Variants in SLC24A3 observed in about 807,000 individuals in gnomAD.
The protein encoded by SLC24A3 is sodium/potassium/calcium exchanger 3.
In SLC24A3, 28 loss-of-function variants were observed where a neutral mutation model predicts 75.8. The ratio of observed to expected loss-of-function variants is 0.37; its 90% CI spans 0.27 to 0.51. The LOEUF is 0.51. SLC24A3 is among the 20% of genes least tolerant of loss of function. The pLI, the probability that SLC24A3 is intolerant of heterozygous loss-of-function variation, is 0.94. For synonymous variants in SLC24A3, 372 were observed against 334.1 expected (o/e 1.11, Z -1.24); for missense variants, 663 against 847.8 (o/e 0.78, Z 2.71).
intron 2 of SLC24A3, among the ~76,000 whole-genome samples, chr20:19,444,797 C>T (rs1053247408): frequency 2.0e-5 from 3 of 151,334 alleles, no homozygotes; most frequent in African/African-American, 7.3e-5. Context: ...ATTTTTTTAA[C>T]CTTTTTAGTT....
At chr20:19,394,655 A>G (rs79980752) in intron 2 of SLC24A3, among the ~76,000 whole-genome samples, 2,992 of 152,314 alleles carry the variant, frequency 0.02, 106 homozygotes, top group African/African-American at 0.067. Context: ...CAAAACTGCA[A>G]TGAGATATCA....
chr20:19,654,221 T>G (rs1265457880), intron 7 of SLC24A3, 85 bp downstream of exon 7: 5 of 1,282,044 alleles, frequency 3.9e-6, no homozygotes, highest in Non-Finnish European at 5.6e-6. Flanking sequence ...TGGAGTTCAC[T>G]CGAGGTCACC....
intron 2 of SLC24A3, among the ~76,000 whole-genome samples, chr20:19,513,739 A>ATT (rs1568640242): frequency 6.8e-4 from 35 of 51,552 alleles, no homozygotes; most frequent in African/African-American, 2.2e-3. Flanking sequence ...TTTTTTTTAG[A>ATT]AAAAAAAAAA....
At chr20:19,518,681 G>C (rs1234719017) in intron 3 of SLC24A3, among the ~76,000 whole-genome samples, 2 of 152,222 alleles carry the variant, frequency 1.3e-5, no homozygotes, top group African/African-American at 2.4e-5. Context: ...AGGCACCACA[G>C]GTGATTTAGC....
chr20:19,226,971 G>A (rs977219482), intron 1 of SLC24A3, among the ~76,000 whole-genome samples: 9 of 152,032 alleles, frequency 5.9e-5, no homozygotes, highest in Admixed American at 2.6e-4. Context: ...AATCTCTGCC[G>A]GTTTCTTTAG....
chr20:19,689,449 G>T (rs1190837218), intron 12 of SLC24A3, among the ~76,000 whole-genome samples: 2 of 152,214 alleles, frequency 1.3e-5, no homozygotes, highest in Non-Finnish European at 2.9e-5. Flanking sequence ...TCAGTTGCTG[G>T]CTGACTTTTG....
At chr20:19,401,514 A>G (rs1450049649) in intron 2 of SLC24A3, among the ~76,000 whole-genome samples, 2 of 151,018 alleles carry the variant, frequency 1.3e-5, no homozygotes, top group African/African-American at 4.9e-5. Context: ...CTTTGGCCCC[A>G]TTATTGGGCT....
intron 2 of SLC24A3, among the ~76,000 whole-genome samples, chr20:19,309,140 C>T (rs1984399596): frequency 6.6e-6 from 1 of 152,190 alleles, no homozygotes; most frequent in Non-Finnish European, 1.5e-5. Context: ...ACCTTTAAAA[C>T]TTTCACACCC....
intron 2 of SLC24A3, among the ~76,000 whole-genome samples, chr20:19,475,180 T>C (rs761173745): frequency 7.2e-5 from 11 of 151,894 alleles, no homozygotes; most frequent in Non-Finnish European, 1.5e-4. Context: ...TTACTAAAAA[T>C]ACAAAAAAAT....
intron 1 of SLC24A3, among the ~76,000 whole-genome samples, chr20:19,270,619 T>G (rs1022245096): frequency 8.5e-5 from 13 of 152,286 alleles, no homozygotes; most frequent in African/African-American, 2.6e-4. Flanking sequence ...ATCCCATTCT[T>G]GGGATTTGGT....
chr20:19,655,648 G>A (rs149776819), intron 7 of SLC24A3, among the ~76,000 whole-genome samples: 26 of 152,272 alleles, frequency 1.7e-4, no homozygotes, highest in African/African-American at 5.5e-4. Flanking sequence ...CTGAAGGCCC[G>A]AATAGAACAA....
intron 6 of SLC24A3, among the ~76,000 whole-genome samples, chr20:19,606,822 T>C (rs946719066): frequency 6.6e-5 from 10 of 152,158 alleles, no homozygotes; most frequent in Non-Finnish European, 1.3e-4. Flanking sequence ...GTGTGGCCTG[T>C]GCAAGTCCAC....
chr20:19,516,481 G>T (rs2029990930), intron 3 of SLC24A3, among the ~76,000 whole-genome samples: 2 of 152,204 alleles, frequency 1.3e-5, no homozygotes, highest in East Asian at 3.8e-4. Context: ...TGTTTGTGTT[G>T]AGTGCTCAGA....
rs560837344 is a variant in SLC24A3, at chr20:19,715,337, G to T, written c.1720-2191G>T. ...CTATCCGCAGTCAGGTTGAGTGTGT[G>T]CATGAAGTTAAGCCACCAGCTGGAC... On this transcript the variant is annotated intron_variant, in intron 15 of 16. Coordinates refer to ENST00000328041, the MANE Select transcript of SLC24A3 (RefSeq NM_020689.4). Among the ~76,000 whole-genome samples, 62 of 152,336 alleles carry T rather than the reference G, an allele frequency of 4.1e-4. 1 individual carries two copies. In the South Asian group the frequency reaches 6.0e-3, roughly 15 times the overall value.
At chr20:19,545,912 C>A (rs1249418113) in intron 3 of SLC24A3, among the ~76,000 whole-genome samples, 1 of 152,060 alleles carries the variant, frequency 6.6e-6, no homozygotes, top group Non-Finnish European at 1.5e-5. Flanking sequence ...GTAATCCCAG[C>A]ACTTTGGGAG....
intron 2 of SLC24A3, among the ~76,000 whole-genome samples, chr20:19,508,976 C>T (rs1015646402): frequency 6.6e-6 from 1 of 152,268 alleles, no homozygotes; most frequent in Admixed American, 6.5e-5. Context: ...CAGGAAGGAA[C>T]TGGCAATATG....
intron 15 of SLC24A3, among the ~76,000 whole-genome samples, chr20:19,708,711 T>C (rs759339644): frequency 1.3e-5 from 2 of 152,206 alleles, no homozygotes; most frequent in Admixed American, 6.5e-5. Context: ...AGGACCTAGA[T>C]AGGTAACTTG....
chr20:19,687,246 C>CA (rs2032687287), intron 12 of SLC24A3, among the ~76,000 whole-genome samples: 1 of 152,178 alleles, frequency 6.6e-6, no homozygotes, highest in African/African-American at 2.4e-5. Context: ...GGGGATGTCC[C>CA]ACTGTTCCTA....
chr20:19,644,314 C>A (rs539703526), intron 6 of SLC24A3, among the ~76,000 whole-genome samples: 7 of 152,272 alleles, frequency 4.6e-5, no homozygotes, highest in Admixed American at 2.0e-4. Context: ...ATTCTCTGTC[C>A]TCTAAGCCAG....
Sources: allele counts gnomAD v4.1 joint callset (sites outside exome capture counted in the v4.1 genomes callset), GRCh38; gene constraint gnomAD v4.1.1; transcripts MANE v1.5; gene names NCBI Gene and HGNC (gene_info 2026-07-23, HGNC 2026-07-21).